The following AGPS variants were observed in gnomAD, a reference collection of about 807,000 sequenced individuals.
AGPS encodes alkylglycerone phosphate synthase.
AGPS carries 26 observed loss-of-function variants against 90.7 expected under a neutral mutation model. The ratio of observed to expected loss-of-function variants is 0.29; its 90% confidence interval spans 0.21 to 0.40. AGPS has a LOEUF of 0.40. Ranked by LOEUF, AGPS falls within the 10% of genes least tolerant of loss-of-function variation. The pLI, the probability that AGPS is intolerant of heterozygous loss-of-function variation, is 1.00. For synonymous variants in AGPS, 294 were observed against 285.3 expected, an observed-to-expected ratio of 1.03 and a Z score of -0.31; for missense variants, 540 against 816.1, an observed-to-expected ratio of 0.66 and a Z score of 4.12.
chr2:177,468,052 A>G (rs1423172305), intron 9 of AGPS, among the ~76,000 whole-genome samples: 1 of 152,114 alleles, frequency 6.6e-6, no homozygotes, highest in African/African-American at 2.4e-5. Flanking sequence ...CATGAATAAT[A>G]TGCTTCATAA....
At chr2:177,401,325 A>G (rs1685324777) in intron 1 of AGPS, among the ~76,000 whole-genome samples, 1 of 152,098 alleles carries the variant, frequency 6.6e-6, no homozygotes, top group Non-Finnish European at 1.5e-5. Flanking sequence ...ACTTCTTTTC[A>G]TTCTTTTAAG....
chr2:177,502,482 C>T (rs1688588172), intron 14 of AGPS, among the ~76,000 whole-genome samples: 1 of 144,434 alleles, frequency 6.9e-6, no homozygotes, highest in African/African-American at 2.6e-5. Context: ...ACCTGATGAT[C>T]ATGGCTCACT....
intron 8 of AGPS, among the ~76,000 whole-genome samples, chr2:177,453,906 C>T (rs369681072): frequency 1.3e-4 from 19 of 145,898 alleles, no homozygotes; most frequent in African/African-American, 4.4e-4. Context: ...AGGCTGGTCT[C>T]GAACTCCCGA....
At chr2:177,407,166 C>T (rs997725198) in intron 1 of AGPS, among the ~76,000 whole-genome samples, 1 of 152,010 alleles carries the variant, frequency 6.6e-6, no homozygotes, top group African/African-American at 2.4e-5. Context: ...GGTAATGACA[C>T]CTACATCACA....
chr2:177,403,648 A>T (rs1685389345), intron 1 of AGPS, among the ~76,000 whole-genome samples: 1 of 152,234 alleles, frequency 6.6e-6, no homozygotes, highest in Non-Finnish European at 1.5e-5. Context: ...ATGAAGACTA[A>T]CATTAAGAGA....
intron 2 of AGPS, among the ~76,000 whole-genome samples, chr2:177,425,715 T>C (rs1424438012): frequency 6.6e-6 from 1 of 152,062 alleles, no homozygotes; most frequent in African/African-American, 2.4e-5. Context: ...TGTGCAGTCT[T>C]ATTTCTGGGA....
At position 177,392,872 on chromosome 2, in the gene AGPS, A is replaced by ACCCGGACCCGGACCGCGC; in HGVS notation, c.85_102dup (p.Pro29_Ala34dup). 6.5e-7 allele frequency: 1 copy of ACCCGGACCCGGACCGCGC among 1,549,620 alleles called. No homozygotes were observed. The highest frequency in any genetic ancestry group is 8.7e-7 in the Non-Finnish European group (1 of 1,149,102). ...GGGTCTGCAGCGGACCGGGACCGGG[A>ACCCGGACCCGGACCGCGC]CCCGGACCCGGACCGCGCCGGGCGG... On this transcript the variant is annotated inframe_insertion, in exon 1 of 20. Coordinates refer to ENST00000264167, the MANE Select transcript of AGPS (RefSeq NM_003659.4).
intron 19 of AGPS, among the ~76,000 whole-genome samples, chr2:177,529,377 G>A (rs1039746518): frequency 2.0e-5 from 3 of 152,146 alleles, no homozygotes; most frequent in African/African-American, 7.2e-5. Flanking sequence ...AGCTGGGGCG[G>A]GAAGATGGCT....
chr2:177,415,643 CT>C (rs1559036997), intron 1 of AGPS, among the ~76,000 whole-genome samples: 1 of 152,188 alleles, frequency 6.6e-6, no homozygotes, highest in Non-Finnish European at 1.5e-5. Context: ...GGCTCACTGT[CT>C]AGAGGACACA....
At chr2:177,472,358 G>C (rs554127934) in intron 10 of AGPS, among the ~76,000 whole-genome samples, 5 of 149,550 alleles carry the variant, frequency 3.3e-5, no homozygotes, top group Non-Finnish European at 7.4e-5. Context: ...TACTTTTTAC[G>C]TGCCTTTTTT....
At chr2:177,505,314 G>T (rs1317724229) in intron 14 of AGPS, among the ~76,000 whole-genome samples, 192 bp from the exon 15 acceptor site, 2 of 151,898 alleles carry the variant, frequency 1.3e-5, no homozygotes, top group Admixed American at 6.6e-5. Context: ...TGAGAATATG[G>T]GTAGAAGTAG....
At chr2:177,531,862 C>T (rs113246875) in intron 19 of AGPS, among the ~76,000 whole-genome samples, 2 of 150,822 alleles carry the variant, frequency 1.3e-5, no homozygotes, top group Admixed American at 6.7e-5. Context: ...CTGAGTTTGA[C>T]GAAAGTACAA....
At chr2:177,511,096 T>TTTG (rs575575386) in intron 16 of AGPS, among the ~76,000 whole-genome samples, 78 of 152,086 alleles carry the variant, frequency 5.1e-4, no homozygotes, top group African/African-American at 9.4e-4. Flanking sequence ...ATATACATTT[T>TTTG]TTGTTGTTGT....
At chr2:177,442,819 C>T (rs542587997) in intron 7 of AGPS, among the ~76,000 whole-genome samples, 2 of 124,432 alleles carry the variant, frequency 1.6e-5, no homozygotes, top group Non-Finnish European at 3.4e-5. Flanking sequence ...TGCACTCCAG[C>T]CTGGGTGACA....
chr2:177,469,546 C>T (rs1158618823), intron 10 of AGPS, among the ~76,000 whole-genome samples: 3 of 152,086 alleles, frequency 2.0e-5, no homozygotes, highest in Non-Finnish European at 4.4e-5. Context: ...TCAGTTTATT[C>T]CTTTTCTGAT....
At position 177,543,105 on chromosome 2, in the gene AGPS, C is replaced by T. The variant is rs886055197; in HGVS notation, c.*4910C>T. 6.6e-6 allele frequency: 1 copy of T among 152,162 alleles called. No homozygotes were observed. Among genetic ancestry groups the T allele is most frequent in the Non-Finnish European group, 1.5e-5 (1 of 68,042 alleles). The allele number at this position is 152,162 out of a possible 1,614,324, so 9.4% of individuals were successfully genotyped here. A position where few individuals can be genotyped will look rare whatever the true frequency, so the allele number is the denominator to read the frequency against. On this transcript the variant is annotated 3_prime_UTR_variant, in exon 20 of 20. Coordinates refer to ENST00000264167, the MANE Select transcript of AGPS (RefSeq NM_003659.4). ...ATGGGATTTGTATGTGCTTTTCCTT[C>T]CTACATTTTCATTCCTACTGCCCCA...
chr2:177,511,467 T>C (rs944069092), intron 16 of AGPS, among the ~76,000 whole-genome samples: 1 of 151,900 alleles, frequency 6.6e-6, no homozygotes, highest in African/African-American at 2.4e-5. Context: ...CAAACACTTA[T>C]AGATAGTATG....
At chr2:177,537,850 T>A (rs1300743163) in intron 19 of AGPS, among the ~76,000 whole-genome samples, 3 of 152,130 alleles carry the variant, frequency 2.0e-5, no homozygotes, top group African/African-American at 7.2e-5. Context: ...ATTTCATAGT[T>A]TACAGAGAAA....
At chr2:177,501,449 C>G (rs1016145061) in intron 14 of AGPS, among the ~76,000 whole-genome samples, 1 of 151,976 alleles carries the variant, frequency 6.6e-6, no homozygotes, top group African/African-American at 2.4e-5. Context: ...AGGGCATGAC[C>G]TATCTTTTTC....
Sources: allele counts gnomAD v4.1 joint callset (sites outside exome capture counted in the v4.1 genomes callset), GRCh38; gene constraint gnomAD v4.1.1; transcripts MANE v1.5; gene names NCBI Gene and HGNC (gene_info 2026-07-23, HGNC 2026-07-21).